The following TLE3 variants were observed in gnomAD, a reference collection of about 807,000 sequenced individuals.
TLE3 encodes transducin-like enhancer protein 3.
Under a neutral mutation model 93.0 loss-of-function variants are expected in TLE3, and 14 were observed. The ratio of observed to expected loss-of-function variants is 0.15; its 90% CI spans 0.10 to 0.24. The LOEUF is 0.24. Ranked by LOEUF, TLE3 falls within the 10% of genes least tolerant of loss-of-function variation. TLE3 has a pLI of 1.00. For synonymous variants in TLE3, 451 were observed against 425.0 expected (o/e 1.06, Z -0.75); for missense variants, 693 against 1,046.6 (o/e 0.66, Z 4.66).
rs752860673 is a variant in TLE3 at position 70,057,663 on chromosome 15, G to A, written c.1052-5C>T. The A allele has an allele frequency of 1.7e-5, 26 of 1,563,974 alleles. No individual in the cohort carries two copies. The highest frequency in any genetic ancestry group is 1.9e-5 in the Admixed American group (1 of 53,568). On this transcript the variant is annotated splice_polypyrimidine_tract_variant and splice_region_variant and intron_variant, in intron 12 of 19. Transcript: ENST00000451782. ...TGGGCGTGCGCAGAGCCGAGGCTGC[G>A]AGGGGTGGGCGTCAGGGAGGTGGGC...
In TLE3 at chr15:70,076,162, CA is replaced by C; in HGVS notation, c.235-5del. ...TCAGTCTCTTCGCAATCTCTGTCTGCAAAGGCAAGGAGACCACATGAAGCTC... is the reference window on the plus strand; with the variant it reads ...TCAGTCTCTTCGCAATCTCTGTCTGCAAGGCAAGGAGACCACATGAAGCTC... On this transcript the variant is annotated splice_polypyrimidine_tract_variant and splice_region_variant and intron_variant, in intron 4 of 19. Coordinates refer to ENST00000451782, the MANE Select transcript of TLE3 (RefSeq NM_001105192.3). 6.2e-7 allele frequency: 1 copy of C among 1,613,914 alleles called. No homozygotes were observed. Among genetic ancestry groups the C allele is most frequent in the East Asian group, 2.2e-5 (1 of 44,884 alleles).
At position 70,058,717 on chromosome 15, in the gene TLE3, G is replaced by A; in HGVS notation, c.864C>T (p.Ala288=). The change falls in exon 11 of 20, where the codon GCC becomes GCT. Residue 288 remains alanine (A), a synonymous_variant. Coordinates refer to ENST00000451782, the MANE Select transcript of TLE3 (RefSeq NM_001105192.3). This position sits in a 1 kb window ranked among gnomAD's most constrained non-coding sequence, Gnocchi z 4.1. ...SLKKDAPTSP[A]SVASSSSTPS... ...GTGTGCTACTGGAAGAGGCCACCGA[G>A]GCAGGGCTGGTGGGGGCATCTTTTT... The A allele has an allele frequency of 6.2e-7, 1 of 1,609,712 alleles. No individual in the cohort carries two copies. Among genetic ancestry groups the A allele is most frequent in the Non-Finnish European group, 8.5e-7 (1 of 1,178,162 alleles).
chr15:70,054,253 C>G, intron 16 of TLE3, 185 bp downstream of exon 16: 1 of 795,086 alleles, frequency 1.3e-6, no homozygotes. Flanking sequence ...CCCAATGGCC[C>G]TCCCTCCTCT....
intron 4 of TLE3, among the ~76,000 whole-genome samples, chr15:70,092,243 T>G (rs2058344139): frequency 6.6e-6 from 1 of 152,162 alleles, no homozygotes; most frequent in Non-Finnish European, 1.5e-5. Flanking sequence ...CTTGCAAACC[T>G]AGGGAGTGGC....
chr15:70,086,075 T>C (rs1349422469), intron 4 of TLE3, among the ~76,000 whole-genome samples: 1 of 152,134 alleles, frequency 6.6e-6, no homozygotes. Context: ...CCTTCCTCTA[T>C]CCCACCCGAC....
At position 70,058,290 on chromosome 15, in the gene TLE3, T is replaced by C; in HGVS notation, c.920A>G (p.Asn307Ser). The C allele has an allele frequency of 6.2e-7, 1 of 1,604,012 alleles. No homozygotes were observed. Among genetic ancestry groups the C allele is most frequent in the African/African-American group, 1.3e-5 (1 of 74,880 alleles). ...PSSKTKDLGH[N>S]DKSSTPGLKS... ...GAGCCCAGGGGTGGAGGATTTGTCG[T>C]TCTGAAGAGGGGAGATGCAGAACAA... The change falls in exon 12 of 20, where the codon AAC (asparagine) becomes AGC (serine). Residue 307 changes from asparagine to serine, a missense_variant and splice_region_variant. This residue lies in a region of TLE3 where 405 missense variants were observed against 468.9 expected (regional missense o/e 0.86). Transcript: ENST00000451782. This position sits in a 1 kb window ranked among gnomAD's most constrained non-coding sequence, Gnocchi z 4.1.
Position 70,054,420 on chromosome 15 carries a change from T to C in TLE3, c.1826+18A>G. 1 of 1,605,376 alleles carries C rather than the reference T, an allele frequency of 6.2e-7. No individual in the cohort carries two copies. Among genetic ancestry groups the C allele is most frequent in the African/African-American group, 1.3e-5 (1 of 74,784 alleles). On this transcript the variant is annotated intron_variant, in intron 16 of 19. Coordinates refer to ENST00000451782, the MANE Select transcript of TLE3 (RefSeq NM_001105192.3). Reference sequence around the variant, plus strand: ...CTTCCCCAGGACGAGGCACTAATGCTCCCTCCTGCCGGCTCACCTGACCAG... The same window carrying C: ...CTTCCCCAGGACGAGGCACTAATGCCCCCTCCTGCCGGCTCACCTGACCAG...
intron 4 of TLE3, among the ~76,000 whole-genome samples, chr15:70,077,566 TAA>T (rs955902227): frequency 2.6e-5 from 4 of 152,182 alleles, no homozygotes; most frequent in African/African-American, 9.7e-5. Flanking sequence ...CCTTGGCCAC[TAA>T]AGAGGACGCC....
intron 1 of TLE3, chr15:70,096,518 G>A: frequency 7.8e-7 from 1 of 1,276,228 alleles, no homozygotes; most frequent in Non-Finnish European, 1.1e-6. Context: ...AGCCGGGTGA[G>A]TTGGGAGACT....
chr15:70,092,066 T>C (rs1343321098), intron 4 of TLE3, among the ~76,000 whole-genome samples: 1 of 141,738 alleles, frequency 7.1e-6, no homozygotes, highest in Non-Finnish European at 1.5e-5. Context: ...GGACACTGCA[T>C]GAATAATTCA....
At chr15:70,057,729 C>T in intron 12 of TLE3, 71 bp from the exon 13 acceptor site, 1 of 1,511,634 alleles carries the variant, frequency 6.6e-7, no homozygotes, top group East Asian at 2.5e-5. Flanking sequence ...CCTCACCCAG[C>T]AATAACCCTC....
At chr15:70,052,653 G>A in intron 17 of TLE3, 129 bp from the exon 18 acceptor site, 1 of 1,003,630 alleles carries the variant, frequency 1.0e-6, no homozygotes, top group Non-Finnish European at 1.4e-6. Context: ...AATAACCCAG[G>A]AGTATGGGAG....
chr15:70,052,296 C>T, intron 18 of TLE3, 78 bp downstream of exon 18: 1 of 1,554,024 alleles, frequency 6.4e-7, no homozygotes, highest in Non-Finnish European at 8.7e-7. Context: ...GCTTTGGGCC[C>T]CTCTTCTGTC....
chr15:70,052,669 T>G (rs997979155), intron 17 of TLE3, 145 bp from the exon 18 acceptor site: 17 of 793,356 alleles, frequency 2.1e-5, no homozygotes, highest in Non-Finnish European at 3.7e-6. Context: ...GGGAGGTCAT[T>G]TTCCATCCCC....
chr15:70,087,759 T>C (rs1041088563), intron 4 of TLE3, among the ~76,000 whole-genome samples: 3 of 152,232 alleles, frequency 2.0e-5, no homozygotes, highest in African/African-American at 4.8e-5. Context: ...ACAGGACACA[T>C]TGGCAATGGG....
At position 70,097,469 on chromosome 15, in the gene TLE3, G is replaced by A; in HGVS notation, c.-671C>T. 2.4e-6 allele frequency: 1 copy of A among 415,244 alleles called. No homozygotes were observed. The highest frequency in any genetic ancestry group is 8.7e-5 in the South Asian group (1 of 11,530). 25.7% of individuals were successfully genotyped at this position (415,244 alleles called of 1,614,324 possible). A position where few individuals can be genotyped will look rare whatever the true frequency, so the allele number is the denominator to read the frequency against. The stretch of plus-strand genomic sequence containing the variant: ...TACTGCCGCTGCCGCCGCCGCCGCC[G>A]CCGCTGCAAGCCCTTCCCAGGGCCG... On this transcript the variant is annotated 5_prime_UTR_variant, in exon 1 of 20. Transcript: ENST00000451782.
At chr15:70,063,198 C>T (rs1041728731) in intron 8 of TLE3, among the ~76,000 whole-genome samples, 1 of 152,166 alleles carries the variant, frequency 6.6e-6, no homozygotes, top group Non-Finnish European at 1.5e-5. Flanking sequence ...CTCAGAGAGG[C>T]CAAGAGAACT....
At chr15:70,085,414 G>A (rs2057996235) in intron 4 of TLE3, among the ~76,000 whole-genome samples, 2 of 152,172 alleles carry the variant, frequency 1.3e-5, no homozygotes, top group African/African-American at 4.8e-5. Flanking sequence ...CTGGCTTGCT[G>A]GGAACCCACC....
chr15:70,091,853 A>T (rs558103209), intron 4 of TLE3, among the ~76,000 whole-genome samples: 29 of 152,316 alleles, frequency 1.9e-4, no homozygotes, highest in Admixed American at 1.2e-3. Flanking sequence ...TTTAAAAAAA[A>T]TATGTGGTGG....
Sources: gnomAD v4.1 joint callset for allele counts (sites outside exome capture counted in the v4.1 genomes callset) on GRCh38, gnomAD v4.1.1 for gene constraint, gnomAD v4.1.1 regional missense constraint, Gnocchi (gnomAD v3.1) non-coding constraint, MANE v1.5 for transcripts, NCBI Gene and HGNC (gene_info 2026-07-23, HGNC 2026-07-21) for gene names.